The following SYNDIG1 variants were observed in gnomAD, a reference collection of about 807,000 sequenced individuals.
SYNDIG1 encodes synapse differentiation inducing 1.
SYNDIG1 carries 9 observed loss-of-function variants against 19.4 expected under a neutral mutation model. The ratio of observed to expected loss-of-function variants is 0.46; its 90% CI spans 0.28 to 0.81. The LOEUF (loss-of-function observed/expected upper bound fraction) is 0.81, where lower values mean the gene tolerates loss of function less well. Among genes scored for constraint, SYNDIG1 ranks in the 30% least tolerant of loss-of-function variants. The probability of loss-of-function intolerance (pLI) is 0.12; values close to 1 mark genes in which losing one functional copy is unlikely to be tolerated. For missense variants in SYNDIG1, 311 were observed against 343.3 expected (o/e 0.91, Z 0.74); for synonymous variants, 141 against 145.9 (o/e 0.97, Z 0.24).
chr20:24,583,710 G>A (rs2058367462), intron 2 of SYNDIG1, among the ~76,000 whole-genome samples: 1 of 152,234 alleles, frequency 6.6e-6, no homozygotes, highest in Non-Finnish European at 1.5e-5. Context: ...TGTGGGGAGG[G>A]TGGGGCAGTG....
intron 3 of SYNDIG1, among the ~76,000 whole-genome samples, chr20:24,627,881 C>T (rs1376292356): frequency 6.6e-6 from 1 of 152,244 alleles, no homozygotes; most frequent in Non-Finnish European, 1.5e-5. Context: ...ATCAAGTGCT[C>T]AGTCACTTGG....
chr20:24,569,263 C>G (rs2058102370), intron 2 of SYNDIG1, among the ~76,000 whole-genome samples: 3 of 152,300 alleles, frequency 2.0e-5, no homozygotes, highest in South Asian at 4.1e-4. Context: ...CAGCGTGTGA[C>G]AGGAGAGTGA....
At chr20:24,630,681 G>C (rs955307116) in intron 3 of SYNDIG1, among the ~76,000 whole-genome samples, 2 of 152,204 alleles carry the variant, frequency 1.3e-5, no homozygotes, top group East Asian at 3.8e-4. Context: ...TGAGGTCCTG[G>C]GTCCTGGGAG....
intron 3 of SYNDIG1, among the ~76,000 whole-genome samples, chr20:24,592,395 C>T (rs1269641576): frequency 6.6e-6 from 1 of 152,126 alleles, no homozygotes; most frequent in African/African-American, 2.4e-5. Flanking sequence ...TGTTTTCTAT[C>T]CATTTCCCAG....
intron 3 of SYNDIG1, among the ~76,000 whole-genome samples, chr20:24,599,783 A>G (rs1482809927): frequency 6.6e-6 from 1 of 152,222 alleles, no homozygotes; most frequent in Non-Finnish European, 1.5e-5. Context: ...AAAAAGTCTG[A>G]TCACATGGAG....
intron 2 of SYNDIG1, among the ~76,000 whole-genome samples, chr20:24,574,545 A>G (rs1437266151): frequency 6.6e-6 from 1 of 152,158 alleles, no homozygotes; most frequent in Non-Finnish European, 1.5e-5. Context: ...TGCATTTGCT[A>G]AAGCTGCCCT....
At chr20:24,604,362 T>C (rs866474269) in intron 3 of SYNDIG1, among the ~76,000 whole-genome samples, 1 of 152,258 alleles carries the variant, frequency 6.6e-6, no homozygotes, top group African/African-American at 2.4e-5. Flanking sequence ...TGGCACCAGA[T>C]ACAGGTCATA....
At chr20:24,558,137 G>C (rs2057863630) in intron 2 of SYNDIG1, among the ~76,000 whole-genome samples, 2 of 152,276 alleles carry the variant, frequency 1.3e-5, no homozygotes, top group Admixed American at 1.3e-4. Flanking sequence ...GCAGTGATTT[G>C]GTGAGTTTCG....
chr20:24,520,867 A>G (rs2056988477), intron 1 of SYNDIG1, among the ~76,000 whole-genome samples: 1 of 152,160 alleles, frequency 6.6e-6, no homozygotes, highest in Admixed American at 6.5e-5. Context: ...TAAATGTACA[A>G]TTCAATGGCA....
chr20:24,586,086 A>G (rs2058412862), intron 3 of SYNDIG1, among the ~76,000 whole-genome samples: 1 of 152,072 alleles, frequency 6.6e-6, no homozygotes, highest in Admixed American at 6.5e-5. Flanking sequence ...GCACATCTTG[A>G]GTGGTGACTG....
At chr20:24,543,652 G>A (rs2057515294) in intron 2 of SYNDIG1, 75 bp downstream of exon 2, 1 of 1,539,354 alleles carries the variant, frequency 6.5e-7, no homozygotes, top group Non-Finnish European at 8.7e-7. Flanking sequence ...AGCCATGAAT[G>A]CCTGGCAAAA....
At chr20:24,642,835 T>G (rs1291055552) in intron 3 of SYNDIG1, among the ~76,000 whole-genome samples, 2 of 152,130 alleles carry the variant, frequency 1.3e-5, no homozygotes. Context: ...GAGAATAGGG[T>G]TCGAAACCAA....
At chr20:24,651,908 G>A (rs1290151254) in intron 3 of SYNDIG1, among the ~76,000 whole-genome samples, 1 of 152,212 alleles carries the variant, frequency 6.6e-6, no homozygotes, top group East Asian at 1.9e-4. Context: ...AAGGCACCAG[G>A]TGTGAGTGGA....
chr20:24,665,201 T>C (rs980038729), intron 3 of SYNDIG1, 145 bp from the exon 4 acceptor site: 11 of 989,966 alleles, frequency 1.1e-5, no homozygotes, highest in Admixed American at 1.0e-4. Context: ...GCCCTGGTCA[T>C]AGCAGGGGTG....
At position 24,543,057 on chromosome 20, in the gene SYNDIG1, C is replaced by G. The variant is rs1301771115; in HGVS notation, c.-41C>G. The stretch of plus-strand genomic sequence containing the variant: ...CCCTGAGGCAAGTGTAACCTACATT[C>G]CCAGCCCACCAGCCTGACGCCCAGC... On this transcript the variant is annotated 5_prime_UTR_variant, in exon 2 of 4. Transcript: ENST00000376862. The G allele has an allele frequency of 1.3e-6, 2 of 1,588,698 alleles. No individual in the cohort carries two copies.
At chr20:24,479,040 G>A (rs981781436) in intron 1 of SYNDIG1, among the ~76,000 whole-genome samples, 1 of 152,160 alleles carries the variant, frequency 6.6e-6, no homozygotes, top group Non-Finnish European at 1.5e-5. Flanking sequence ...GATCTTCCTC[G>A]AATTTCTATT....
intron 1 of SYNDIG1, among the ~76,000 whole-genome samples, chr20:24,510,150 C>T (rs879876897): frequency 3.9e-5 from 6 of 152,180 alleles, no homozygotes; most frequent in Non-Finnish European, 8.8e-5. Context: ...GCCAAATACA[C>T]CTCATTTCTT....
intron 1 of SYNDIG1, among the ~76,000 whole-genome samples, chr20:24,496,829 G>A (rs931621970): frequency 7.9e-5 from 12 of 152,060 alleles, no homozygotes; most frequent in African/African-American, 2.9e-4. Flanking sequence ...TTTCACTTTT[G>A]TACTTTAAAT....
At chr20:24,533,784 C>T (rs980986632) in intron 1 of SYNDIG1, among the ~76,000 whole-genome samples, 6 of 152,118 alleles carry the variant, frequency 3.9e-5, no homozygotes, top group East Asian at 3.9e-4. Context: ...GTATGTGAGC[C>T]GTGATAGCAC....
Sources: allele counts gnomAD v4.1 joint callset (sites outside exome capture counted in the v4.1 genomes callset), GRCh38; gene constraint gnomAD v4.1.1; transcripts MANE v1.5; gene names NCBI Gene and HGNC (gene_info 2026-07-23, HGNC 2026-07-21).